CNTNAP4: variants seen among roughly 807,000 people sequenced by gnomAD.
The protein encoded by CNTNAP4 is contactin associated protein family member 4.
Under a neutral mutation model 148.4 loss-of-function variants are expected in CNTNAP4, and 98 were observed. The ratio of observed to expected loss-of-function variants is 0.66; its 90% CI spans 0.56 to 0.78. The LOEUF (loss-of-function observed/expected upper bound fraction) is 0.78. CNTNAP4 is among the 30% of genes least tolerant of loss of function. The probability of loss-of-function intolerance (pLI) is 0.00; values close to 1 mark genes in which losing one functional copy is unlikely to be tolerated. For missense variants in CNTNAP4, 1,935 were observed against 1,565.6 expected (o/e 1.24, Z -3.98); for synonymous variants, 730 against 565.1 (o/e 1.29, Z -4.14).
intron 3 of CNTNAP4, among the ~76,000 whole-genome samples, chr16:76,387,624 C>T (rs763240994): frequency 6.6e-6 from 1 of 151,988 alleles, no homozygotes; most frequent in African/African-American, 2.4e-5. Flanking sequence ...AAAGCAATTG[C>T]CCTCTGAAAC....
rs1448918845 is a variant in CNTNAP4 at position 76,498,594 on chromosome 16, T to C, written c.2265T>C (p.Tyr755=). ...CCAATGACACTGGATTGCTTGCTTA[T>C]AAAGAACATCTTCCAGTAACTAAGA... is the stretch of plus-strand genomic sequence containing the variant. ...EWTNDTGLLA[Y]KEHLPVTKIV... Residue 755 remains tyrosine (Y), a synonymous_variant, in exon 15 of 24, where the codon TAT becomes TAC. Coordinates refer to ENST00000611870, the MANE Select transcript of CNTNAP4 (RefSeq NM_033401.5). The C allele has an allele frequency of 1.6e-5, 25 of 1,612,550 alleles. No homozygotes were observed. Among genetic ancestry groups the C allele is most frequent in the Non-Finnish European group, 2.1e-5 (25 of 1,179,190 alleles).
chr16:76,299,290 A>T (rs930963247), intron 1 of CNTNAP4, among the ~76,000 whole-genome samples: 1 of 152,208 alleles, frequency 6.6e-6, no homozygotes, highest in African/African-American at 2.4e-5. Context: ...ATGAGCTCAA[A>T]CAAATTTACA....
At chr16:76,287,987 C>A (rs1400380745) in intron 1 of CNTNAP4, among the ~76,000 whole-genome samples, 3 of 152,020 alleles carry the variant, frequency 2.0e-5, no homozygotes, top group Non-Finnish European at 4.4e-5. Context: ...CCACTTTTGT[C>A]TGTCTTTACT....
intron 15 of CNTNAP4, among the ~76,000 whole-genome samples, chr16:76,504,860 A>T (rs1214721243): frequency 6.6e-6 from 1 of 152,208 alleles, no homozygotes; most frequent in Non-Finnish European, 1.5e-5. Flanking sequence ...AAAGATCCTT[A>T]GCATCATTAG....
chr16:76,427,673 A>T lies in CNTNAP4; in HGVS notation c.538+74A>T. 3.6e-6 allele frequency: 5 copies of T among 1,394,728 alleles called. 1 individual carries two copies. The highest frequency in any genetic ancestry group is 4.8e-6 in the Non-Finnish European group (5 of 1,040,052). 86.4% of individuals were successfully genotyped at this position (1,394,728 alleles called of 1,614,324 possible). A position where few individuals can be genotyped will look rare whatever the true frequency, so the allele number is the denominator to read the frequency against. On this transcript the variant is annotated intron_variant, in intron 4 of 23. Coordinates refer to ENST00000611870, the MANE Select transcript of CNTNAP4 (RefSeq NM_033401.5). The stretch of plus-strand genomic sequence containing the variant: ...TTTTAAAAGCCAAACTACAAACTGA[A>T]ATGGACTTTTTAGCTACATAAAGAG...
At chr16:76,482,051 G>A (rs1182193871) in intron 12 of CNTNAP4, among the ~76,000 whole-genome samples, 1 of 151,576 alleles carries the variant, frequency 6.6e-6, no homozygotes. Flanking sequence ...TTTAAGAAAC[G>A]GTGGGATGCA....
At chr16:76,361,950 T>G (rs550830241) in intron 3 of CNTNAP4, among the ~76,000 whole-genome samples, 1 of 152,308 alleles carries the variant, frequency 6.6e-6, no homozygotes, top group South Asian at 2.1e-4. Flanking sequence ...TTCACCAACC[T>G]GCTGGTTATG....
rs115429677 is a variant in CNTNAP4 at position 76,361,389 on chromosome 16, G to A, written c.390+5878G>A. ...AGATACATGTACCTCATATGAAAGT[G>A]GCAACATGCATTATTTGTTCTTCTG... On this transcript the variant is annotated intron_variant, in intron 3 of 23. Transcript: ENST00000611870. 9.0e-3 allele frequency among the ~76,000 whole-genome samples: 1,365 copies of A among 152,160 alleles called. 31 individuals carry two copies. The highest frequency in any genetic ancestry group is 0.031 in the African/African-American group (1,298 of 41,514).
chr16:76,497,627 T>C (rs1482434820), intron 14 of CNTNAP4, among the ~76,000 whole-genome samples: 2 of 137,720 alleles, frequency 1.5e-5, no homozygotes, highest in Non-Finnish European at 3.1e-5. Flanking sequence ...TTCTCACTCA[T>C]AAGGGGGAGT....
chr16:76,508,327 C>T lies in CNTNAP4; in HGVS notation c.2365+9633C>T, dbSNP rs555643416. Among the ~76,000 whole-genome samples, 7 of 97,324 alleles carry T rather than the reference C, an allele frequency of 7.2e-5. 3 individuals carry two copies. In the South Asian group the frequency reaches 2.8e-3, roughly 40 times the overall value. 63.8% of individuals were successfully genotyped at this position (97,324 alleles called of 152,430 possible). On this transcript the variant is annotated intron_variant, in intron 15 of 23. Transcript: ENST00000611870. Reference sequence around the variant, plus strand: ...GAGTTATTGATTCTGATATAAAAATCACATAGTAGAAGAATGTCTAGTTCC... The same window carrying T: ...GAGTTATTGATTCTGATATAAAAATTACATAGTAGAAGAATGTCTAGTTCC...
intron 3 of CNTNAP4, among the ~76,000 whole-genome samples, chr16:76,387,939 GT>G (rs532544067): frequency 7.9e-5 from 12 of 152,220 alleles, no homozygotes; most frequent in African/African-American, 2.9e-4. Context: ...TTCTAGACTG[GT>G]TGAAAATATT....
At position 76,318,760 on chromosome 16, in the gene CNTNAP4, CATA is replaced by C. The variant is rs200020154; in HGVS notation, c.196+2246_196+2248del. On this transcript the variant is annotated intron_variant, in intron 2 of 23. Transcript: ENST00000611870. ...TATTAATAATAATCATAATAATATTCATAATAATAATCATAATCATAATAATTA... is the reference window on the plus strand; with the variant it reads ...TATTAATAATAATCATAATAATATTCATAATAATCATAATCATAATAATTA... Among the ~76,000 whole-genome samples, 517 of 136,488 alleles carry C rather than the reference CATA, an allele frequency of 3.8e-3. 2 individuals are homozygous for C. Among genetic ancestry groups the C allele is most frequent in the South Asian group, 5.3e-3 (24 of 4,518 alleles). 89.5% of individuals were successfully genotyped at this position (136,488 alleles called of 152,430 possible). A position where few individuals can be genotyped will look rare whatever the true frequency, so the allele number is the denominator to read the frequency against.
chr16:76,366,187 G>C (rs920246502), intron 3 of CNTNAP4, among the ~76,000 whole-genome samples: 4 of 152,058 alleles, frequency 2.6e-5, no homozygotes, highest in African/African-American at 9.7e-5. Context: ...GTGCAGGTTT[G>C]TTGTATAGTT....
chr16:76,355,470 G>A lies in CNTNAP4; in HGVS notation c.349G>A (p.Gly117Ser). Residue 117 changes from glycine (G) to serine (S), a missense_variant, in exon 3 of 24, where the codon GGC becomes AGC. By Grantham distance (56) the Gly-to-Ser change is moderately conservative. Transcript: ENST00000611870. ...CTACCTCCTGATGTTCAGTGATAGT[G>A]GCTGGAACTGGAAACAATATCGCCA... ...TSYLLMFSDS[G>S]WNWKQYRQED... 6.2e-7 allele frequency: 1 copy of A among 1,611,914 alleles called. No homozygotes were observed. Among genetic ancestry groups the A allele is most frequent in the Middle Eastern group, 1.7e-4 (1 of 6,042 alleles).
At chr16:76,517,738 A>G (rs888371342) in intron 15 of CNTNAP4, among the ~76,000 whole-genome samples, 4 of 152,166 alleles carry the variant, frequency 2.6e-5, no homozygotes, top group East Asian at 3.9e-4. Context: ...GTATATCTAC[A>G]TTGTGTAACA....
intron 3 of CNTNAP4, among the ~76,000 whole-genome samples, chr16:76,389,114 A>T (rs376337957): frequency 1.3e-5 from 2 of 152,202 alleles, no homozygotes; most frequent in East Asian, 3.9e-4. Context: ...CACTGTAGGA[A>T]ATAAGGAAAA....
chr16:76,478,744 C>G (rs1329397712), intron 11 of CNTNAP4, among the ~76,000 whole-genome samples: 1 of 152,128 alleles, frequency 6.6e-6, no homozygotes, highest in Non-Finnish European at 1.5e-5. Flanking sequence ...TCTAAACACA[C>G]TGAAACCACT....
At chr16:76,432,595 A>T (rs1219590454) in intron 4 of CNTNAP4, 1 of 152,238 alleles carries the variant, frequency 6.6e-6, no homozygotes, top group Admixed American at 6.5e-5. Context: ...ACAATACTAC[A>T]TGTCTGAAAG....
In CNTNAP4 at chr16:76,467,382, G is replaced by T; in HGVS notation, c.1514G>T (p.Cys505Phe). 6.2e-7 allele frequency: 1 copy of T among 1,613,894 alleles called. No individual in the cohort carries two copies. The highest frequency in any genetic ancestry group is 8.5e-7 in the Non-Finnish European group (1 of 1,179,848). ...CCTGACAAAAGCTTTGGATCCAAAT[G>T]TAAAAGTCCACTTGGTGGATTTCAG... ...GCPDKSFGSK[C>F]KSPLGGFQGC... is the part of the protein sequence containing the mutation. The change falls in exon 10 of 24, where the codon TGT (cysteine) becomes TTT (phenylalanine). Residue 505 changes from cysteine to phenylalanine, a missense_variant. Physicochemically the swap from Cys to Phe is radical, Grantham distance 205. Transcript: ENST00000611870.
Sources: gnomAD v4.1 joint callset for allele counts (sites outside exome capture counted in the v4.1 genomes callset) on GRCh38, gnomAD v4.1.1 for gene constraint, MANE v1.5 for transcripts, NCBI Gene and HGNC (gene_info 2026-07-23, HGNC 2026-07-21) for gene names.